The following TRPM1 variants were observed in gnomAD, a reference collection of about 807,000 sequenced individuals.
The protein encoded by TRPM1 is TRPM1-203 APA Isoform, Intron 10.
In TRPM1, 113 loss-of-function variants were observed where a neutral mutation model predicts 149.4. The ratio of observed to expected loss-of-function variants is 0.76; its 90% CI spans 0.65 to 0.88. TRPM1 has a LOEUF of 0.88. Among genes scored for constraint, TRPM1 ranks in the 40% least tolerant of loss-of-function variants. TRPM1 has a pLI of 0.00. For missense variants in TRPM1, 1,976 were observed against 2,038.7 expected, an observed-to-expected ratio of 0.97 and a Z score of 0.59; for synonymous variants, 741 against 759.5, an observed-to-expected ratio of 0.98 and a Z score of 0.40.
In TRPM1 at chr15:31,028,365, A is replaced by G. The variant is rs917965421; in HGVS notation, c.3260T>C (p.Ile1087Thr). The stretch of plus-strand genomic sequence containing the variant: ...AGCAATCAGCAGGTTCACCAGCAGG[A>G]TGTTGGCGACCAGTAGATAGCACGC... ...LMACYLLVAN[I>T]LLVNLLIAVF... The change falls in exon 25 of 28, where the codon ATC becomes ACC. Residue 1087 changes from isoleucine to threonine, a missense_variant. Physicochemically the swap from Ile to Thr is moderately conservative, Grantham distance 89. This residue lies in a region of TRPM1 where 72 missense variants were observed against 112.7 expected (regional missense o/e 0.64). Coordinates refer to ENST00000256552, the MANE Select transcript of TRPM1 (RefSeq NM_001252024.2). 1 of 1,614,030 alleles carries G rather than the reference A, an allele frequency of 6.2e-7. No individual in the cohort carries two copies. The highest frequency in any genetic ancestry group is 1.1e-5 in the South Asian group (1 of 91,062).
chr15:31,088,612 C>T (rs1018865960), intron 1 of TRPM1, among the ~76,000 whole-genome samples: 2 of 152,170 alleles, frequency 1.3e-5, no homozygotes, highest in African/African-American at 4.8e-5. Context: ...AAGGAAGAAA[C>T]GTAGGAAACA....
intron 1 of TRPM1, among the ~76,000 whole-genome samples, chr15:31,149,727 G>A (rs374567975): frequency 3.9e-4 from 60 of 152,180 alleles, no homozygotes; most frequent in African/African-American, 1.0e-3. Context: ...CACCGTGTTA[G>A]CCAGGATGGT....
chr15:31,038,174 A>G lies in TRPM1; in HGVS notation c.2317-8T>C. 1 of 1,613,956 alleles carries G rather than the reference A, an allele frequency of 6.2e-7. No individual in the cohort carries two copies. The highest frequency in any genetic ancestry group is 8.5e-7 in the Non-Finnish European group (1 of 1,179,890). On this transcript the variant is annotated splice_region_variant and splice_polypyrimidine_tract_variant and intron_variant, in intron 18 of 27. Transcript: ENST00000256552. ...AAGAATCCCCATGATAACCTACGGA[A>G]CATAAATTGATTTTTTAAGCTGTGG... is the stretch of plus-strand genomic sequence containing the variant.
At chr15:31,057,448 A>C (rs2034114476) in intron 11 of TRPM1, among the ~76,000 whole-genome samples, 1 of 152,144 alleles carries the variant, frequency 6.6e-6, no homozygotes, top group Admixed American at 6.6e-5. Context: ...TAGGCTTAAT[A>C]ACTGGGTGGT....
In TRPM1 at chr15:31,002,007, A is replaced by G. The variant is rs1175574280; in HGVS notation, c.4693T>C (p.Leu1565=). The change falls in exon 28 of 28, where the codon TTG becomes CTG. Residue 1565 remains leucine (L), a synonymous_variant. Coordinates refer to ENST00000256552, the MANE Select transcript of TRPM1 (RefSeq NM_001252024.2). ...TTTGACCTGAGAGATGGGAATCCCAAAGTTTGATCTGGCTTCACAGACAGT... is the reference window on the plus strand; with the variant it reads ...TTTGACCTGAGAGATGGGAATCCCAGAGTTTGATCTGGCTTCACAGACAGT... ...NLLSVKPDQT[L]GFPSLRSKSL... The G allele has an allele frequency of 6.2e-7, 1 of 1,614,060 alleles. No individual in the cohort carries two copies. Among genetic ancestry groups the G allele is most frequent in the Non-Finnish European group, 8.5e-7 (1 of 1,180,028 alleles).
rs147229447 is a variant in TRPM1 at position 31,024,215 on chromosome 15, TA to T, written c.3629+1923del. ...AAATGGGAAATGGTGATGCAGAAAATAAAACTAATTTTATATAGAAAGAATA... is the reference window on the plus strand; with the variant it reads ...AAATGGGAAATGGTGATGCAGAAAATAAACTAATTTTATATAGAAAGAATA... On this transcript the variant is annotated intron_variant, in intron 27 of 27. Transcript: ENST00000256552. Among the ~76,000 whole-genome samples the T allele has an allele frequency of 7.9e-3, 1,202 of 152,020 alleles. 17 individuals carry two copies. Among genetic ancestry groups the T allele is most frequent in the African/African-American group, 0.028 (1,143 of 41,454 alleles).
At chr15:31,069,475 G>A (rs1240962773) in intron 4 of TRPM1, 11 of 1,051,204 alleles carry the variant, frequency 1.0e-5, no homozygotes, top group African/African-American at 1.7e-5. Context: ...GACTGGGCAT[G>A]TAGGAGTGTA....
chr15:31,105,712 T>G (rs2035597594), upstream of TRPM1, among the ~76,000 whole-genome samples: 1 of 152,240 alleles, frequency 6.6e-6, no homozygotes, highest in South Asian at 2.1e-4. Flanking sequence ...AAGACTGTTT[T>G]GTTGTTCTTT....
chr15:31,084,627 T>G (rs770458301), intron 1 of TRPM1, among the ~76,000 whole-genome samples: 16 of 152,078 alleles, frequency 1.1e-4, no homozygotes, highest in Non-Finnish European at 2.1e-4. Context: ...CTATTGTGAA[T>G]AGTGCTATCA....
At position 31,071,737 on chromosome 15, in the gene TRPM1, G is replaced by A. The variant is rs529140990; in HGVS notation, c.84-1511C>T. Among the ~76,000 whole-genome samples the A allele has an allele frequency of 2.8e-4, 42 of 152,006 alleles. 1 individual carries two copies. The highest frequency in any genetic ancestry group is 9.2e-4 in the African/African-American group (38 of 41,476). On this transcript the variant is annotated intron_variant, in intron 3 of 27. Coordinates refer to ENST00000256552, the MANE Select transcript of TRPM1 (RefSeq NM_001252024.2). The stretch of plus-strand genomic sequence containing the variant: ...CCAACACTTTGAGAGGCCGTGGCAT[G>A]TGGATCACTTGAGGTCAGGAGTCCG...
rs1370833916 is a variant in TRPM1 at position 31,072,002 on chromosome 15, T to C, written c.84-1776A>G. Among the ~76,000 whole-genome samples, 162 of 67,946 alleles carry C rather than the reference T, an allele frequency of 2.4e-3. 2 individuals carry two copies. The highest frequency in any genetic ancestry group is 0.018 in the South Asian group (33 of 1,830). 44.6% of individuals were successfully genotyped at this position (67,946 alleles called of 152,430 possible). ...AAACATATATATATATATATATATA[T>C]ATATATATATATATATAGAGAGAGA... On this transcript the variant is annotated intron_variant, in intron 3 of 27. Transcript: ENST00000256552.
At chr15:31,126,410 G>A (rs1010985385) in intron 1 of TRPM1, among the ~76,000 whole-genome samples, 1 of 152,162 alleles carries the variant, frequency 6.6e-6, no homozygotes, top group East Asian at 1.9e-4. Context: ...GATACCTCCT[G>A]TGATCAATGC....
rs1323077301 is a variant in TRPM1, at chr15:31,077,091, T to C, written c.4-107A>G. On this transcript the variant is annotated intron_variant, in intron 2 of 27. Transcript: ENST00000256552. ...AATATGTCTGCCCACAACATCTGAA[T>C]AGTCATCTGCAATAATGGTGGATGC... is the stretch of plus-strand genomic sequence containing the variant. The C allele has an allele frequency of 4.0e-6, 3 of 746,574 alleles. No homozygotes were observed. In the African/African-American group the frequency reaches 5.2e-5, roughly 13 times the overall value. The allele number at this position is 746,574 out of a possible 1,614,324, so 46.2% of individuals were successfully genotyped here.
chr15:31,106,783 G>A lies in TRPM1; in HGVS notation c.55-29799C>T, dbSNP rs146138917. Among the ~76,000 whole-genome samples the A allele has an allele frequency of 2.8e-3, 428 of 152,244 alleles. 2 individuals carry two copies. The highest frequency in any genetic ancestry group is 9.9e-3 in the African/African-American group (413 of 41,544). On this transcript the variant is annotated intron_variant, in intron 1 of 26. Coordinates refer to the TRPM1 transcript ENST00000542188. ...CTTTTGCATTTGTCTGTAATCTTTAGGCTAGATTCCGAGAAGTGAGATTGC... is the reference window on the plus strand; with the variant it reads ...CTTTTGCATTTGTCTGTAATCTTTAAGCTAGATTCCGAGAAGTGAGATTGC...
chr15:31,126,967 AAAACAAACAAAC>A (rs71420550), intron 1 of TRPM1, among the ~76,000 whole-genome samples: 1 of 150,560 alleles, frequency 6.6e-6, no homozygotes, highest in East Asian at 1.9e-4. Context: ...ATCCTGTCTC[AAAACAAACAAAC>A]AAACAAACAA....
At chr15:31,131,507 G>A (rs1028502820) in intron 1 of TRPM1, among the ~76,000 whole-genome samples, 1 of 152,212 alleles carries the variant, frequency 6.6e-6, no homozygotes, top group African/African-American at 2.4e-5. Context: ...CACCATGTGC[G>A]ATAAGAGCTT....
chr15:31,111,624 A>T (rs2035690707), intron 1 of TRPM1, among the ~76,000 whole-genome samples: 1 of 152,184 alleles, frequency 6.6e-6, no homozygotes. Flanking sequence ...CCTGAGCCCC[A>T]TGTAGGCAGC....
intron 1 of TRPM1, among the ~76,000 whole-genome samples, chr15:31,134,847 C>CAAAAAATTAGCTG (rs2141046409): frequency 6.6e-6 from 1 of 152,176 alleles, no homozygotes; most frequent in East Asian, 1.9e-4. Context: ...ACTAAAAATA[C>CAAAAAATTAGCTG]AAAAAATTAG....
chr15:31,126,097 A>C (rs1332817459), intron 1 of TRPM1, among the ~76,000 whole-genome samples: 6 of 152,212 alleles, frequency 3.9e-5, no homozygotes, highest in Non-Finnish European at 8.8e-5. Context: ...ACACCGCTGC[A>C]CTCCAGCCTG....
Sources: gnomAD v4.1 joint callset for allele counts (sites outside exome capture counted in the v4.1 genomes callset) on GRCh38, gnomAD v4.1.1 for gene constraint, gnomAD v4.1.1 regional missense constraint, MANE v1.5 for transcripts, NCBI Gene and HGNC (gene_info 2026-07-23, HGNC 2026-07-21) for gene names.